TSC22D1: variants seen among roughly 807,000 people sequenced by gnomAD.
TSC22D1 encodes TSC22 domain family protein 1.
In TSC22D1, 9 loss-of-function variants were observed where a neutral mutation model predicts 74.2. The observed-to-expected ratio is 0.12, with a 90% CI of 0.07 to 0.21. The LOEUF (loss-of-function observed/expected upper bound fraction) is 0.21, where lower values mean the gene tolerates loss of function less well. Ranked by LOEUF, TSC22D1 falls within the 10% of genes least tolerant of loss-of-function variation. The pLI, the probability that TSC22D1 is intolerant of heterozygous loss-of-function variation, is 1.00. For synonymous variants in TSC22D1, 586 were observed against 492.5 expected, an observed-to-expected ratio of 1.19 and a Z score of -2.51; for missense variants, 1,427 against 1,304.7, an observed-to-expected ratio of 1.09 and a Z score of -1.44.
At chr13:44,477,516 T>C (rs1877974081) in intron 1 of TSC22D1, among the ~76,000 whole-genome samples, 2 of 152,156 alleles carry the variant, frequency 1.3e-5, no homozygotes, top group African/African-American at 2.4e-5. Flanking sequence ...TGTCCTTCCA[T>C]GGTACACCTT....
chr13:44,538,076 T>C, intron 1 of TSC22D1: 1 of 985,318 alleles, frequency 1.0e-6, no homozygotes, highest in Non-Finnish European at 1.2e-6. Context: ...AATAACTATT[T>C]TGCAACACTT....
chr13:44,469,093 C>T (rs376877255), intron 1 of TSC22D1, among the ~76,000 whole-genome samples: 1 of 152,154 alleles, frequency 6.6e-6, no homozygotes, highest in East Asian at 1.9e-4. Flanking sequence ...ATGCACCCTG[C>T]GCTTTCAGGC....
intron 1 of TSC22D1, among the ~76,000 whole-genome samples, chr13:44,535,997 T>A (rs55737823): frequency 2.0e-5 from 3 of 151,926 alleles, no homozygotes; most frequent in African/African-American, 7.2e-5. Context: ...CAGCCTTTCA[T>A]TGAAATATAC....
chr13:44,515,316 A>G (rs1335693465), intron 1 of TSC22D1, among the ~76,000 whole-genome samples: 2 of 152,052 alleles, frequency 1.3e-5, no homozygotes, highest in African/African-American at 4.8e-5. Flanking sequence ...TTTTTTTTTA[A>G]AAAGAATAAG....
rs924473922 is a variant in TSC22D1, at chr13:44,576,196, T to TCTCCTC, written c.-128_-123dup. 3 of 1,351,274 alleles carry TCTCCTC rather than the reference T, an allele frequency of 2.2e-6. No homozygotes were observed. Among genetic ancestry groups the TCTCCTC allele is most frequent in the Admixed American group, 2.9e-5 (1 of 33,984 alleles). 83.7% of individuals were successfully genotyped at this position (1,351,274 alleles called of 1,614,324 possible). A position where few individuals can be genotyped will look rare whatever the true frequency, so the allele number is the denominator to read the frequency against. The stretch of plus-strand genomic sequence containing the variant: ...CGCTCCGCCTGGCGCGATTCCTCCT[T>TCTCCTC]CTCCTCCTCCTCAGCCAAAGGCGCC... On this transcript the variant is annotated 5_prime_UTR_variant, in exon 1 of 3. Coordinates refer to ENST00000458659, the MANE Select transcript of TSC22D1 (RefSeq NM_183422.4).
intron 1 of TSC22D1, among the ~76,000 whole-genome samples, chr13:44,493,539 T>C (rs1160369960): frequency 6.6e-6 from 1 of 152,172 alleles, no homozygotes; most frequent in African/African-American, 2.4e-5. Context: ...GGAAGAAAGA[T>C]TCTTTGGAGA....
chr13:44,535,184 T>A (rs749833510), intron 1 of TSC22D1, among the ~76,000 whole-genome samples: 4 of 152,130 alleles, frequency 2.6e-5, no homozygotes, highest in Non-Finnish European at 4.4e-5. Flanking sequence ...TACATTATAA[T>A]CCAAACATTA....
intron 1 of TSC22D1, among the ~76,000 whole-genome samples, chr13:44,444,314 G>GAAAAGA (rs553081186): frequency 1.1e-5 from 1 of 89,338 alleles, no homozygotes; most frequent in Non-Finnish European, 2.3e-5. Flanking sequence ...AAAAAGAAAA[G>GAAAAGA]AAAAGAAAAA....
chr13:44,461,989 C>T (rs1804836721), intron 1 of TSC22D1, among the ~76,000 whole-genome samples: 1 of 152,040 alleles, frequency 6.6e-6, no homozygotes, highest in South Asian at 2.1e-4. Flanking sequence ...GAAGTATGAA[C>T]AGAAGGAAGG....
rs1400719797 is a variant in TSC22D1, at chr13:44,433,952, C to T, written c.*674G>A. On this transcript the variant is annotated 3_prime_UTR_variant, in exon 3 of 3. Transcript: ENST00000458659. The stretch of plus-strand genomic sequence containing the variant: ...ATAGTAGTTACAGTCCTCTATTGTA[C>T]AAAATAGTTACACTACATACACAAA... The T allele has an allele frequency of 2.6e-6, 4 of 1,527,664 alleles. No individual in the cohort carries two copies. The highest frequency in any genetic ancestry group is 2.0e-5 in the Admixed American group (1 of 48,796). The allele number at this position is 1,527,664 out of a possible 1,614,324, so 94.6% of individuals were successfully genotyped here. A position where few individuals can be genotyped will look rare whatever the true frequency, so the allele number is the denominator to read the frequency against.
rs1241834428 is a variant in TSC22D1, at chr13:44,432,999, T to A, written c.*1627A>T. The A allele has an allele frequency of 6.6e-6, 1 of 152,210 alleles. No individual in the cohort carries two copies. The highest frequency in any genetic ancestry group is 1.5e-5 in the Non-Finnish European group (1 of 68,036). 9.4% of individuals were successfully genotyped at this position (152,210 alleles called of 1,614,324 possible). Reference sequence around the variant, plus strand: ...ATCTGGTCCCACCTCAAATCATCTTTTGCTTAGACAAAACGAATTATCCCA... The same window carrying A: ...ATCTGGTCCCACCTCAAATCATCTTATGCTTAGACAAAACGAATTATCCCA... On this transcript the variant is annotated 3_prime_UTR_variant, in exon 3 of 3. Coordinates refer to ENST00000458659, the MANE Select transcript of TSC22D1 (RefSeq NM_183422.4).
rs1416277997 is a variant in TSC22D1, at chr13:44,573,795, T to G, written c.2280A>C (p.Pro760=). The G allele has an allele frequency of 1.2e-6, 2 of 1,614,120 alleles. No homozygotes were observed. Among genetic ancestry groups the G allele is most frequent in the East Asian group, 2.2e-5 (1 of 44,900 alleles). ...PPSVIQQGAP[P]SSQVVPPAQT... ...GAGCAGGTGGAACCACTTGCGAAGATGGAGGAGCACCCTGCTGAATAACTG... is the reference window on the plus strand; with the variant it reads ...GAGCAGGTGGAACCACTTGCGAAGAGGGAGGAGCACCCTGCTGAATAACTG... The change falls in exon 1 of 3, where the codon CCA becomes CCC. Residue 760 remains proline (P), a synonymous_variant. Coordinates refer to ENST00000458659, the MANE Select transcript of TSC22D1 (RefSeq NM_183422.4).
In TSC22D1 at chr13:44,575,714, T is replaced by C; in HGVS notation, c.361A>G (p.Ile121Val). The change falls in exon 1 of 3, where the codon ATC (isoleucine) becomes GTC (valine). Residue 121 changes from isoleucine (I) to valine (V), a missense_variant. Coordinates refer to ENST00000458659, the MANE Select transcript of TSC22D1 (RefSeq NM_183422.4). Reference sequence around the variant, plus strand: ...TTGTTAGAGCTGATACTAGCGGAGATCTGAGCAGGAGTAACGCTAGTTATC... The same window carrying C: ...TTGTTAGAGCTGATACTAGCGGAGACCTGAGCAGGAGTAACGCTAGTTATC... ...FQITSVTPAQISASISSNNSI... is the reference protein window; with the variant it reads ...FQITSVTPAQVSASISSNNSI... The C allele has an allele frequency of 6.2e-7, 1 of 1,614,184 alleles. No individual in the cohort carries two copies. The highest frequency in any genetic ancestry group is 8.5e-7 in the Non-Finnish European group (1 of 1,180,006).
chr13:44,480,591 T>C (rs1206221762), intron 1 of TSC22D1, among the ~76,000 whole-genome samples: 2 of 152,130 alleles, frequency 1.3e-5, no homozygotes, highest in Non-Finnish European at 2.9e-5. Flanking sequence ...TACATGTTGG[T>C]ACTAGTAGCT....
intron 1 of TSC22D1, among the ~76,000 whole-genome samples, chr13:44,501,407 G>T (rs1293336876): frequency 1.3e-5 from 2 of 152,270 alleles, no homozygotes; most frequent in East Asian, 3.9e-4. Context: ...GGAGTGCAAG[G>T]TGGGGAACAA....
At position 44,455,656 on chromosome 13, in the gene TSC22D1, G is replaced by A. The variant is rs568188691; in HGVS notation, c.2913-19561C>T. 2.0e-5 allele frequency among the ~76,000 whole-genome samples: 3 copies of A among 152,272 alleles called. No individual in the cohort carries two copies. The South Asian group carries it at 6.2e-4, about 32-fold the overall frequency. On this transcript the variant is annotated intron_variant, in intron 1 of 2. Transcript: ENST00000458659. ...TCTACAAAATTTAAGCACTAGATAT[G>A]CAATGATAGCTCTTTTTTGAGTCTT...
intron 1 of TSC22D1, among the ~76,000 whole-genome samples, chr13:44,442,762 T>C (rs1371338908): frequency 6.6e-6 from 1 of 150,436 alleles, no homozygotes; most frequent in Admixed American, 6.6e-5. Flanking sequence ...ACTAAAAATA[T>C]AAAATAGCTG....
chr13:44,548,827 T>C (rs1296441974), intron 1 of TSC22D1, among the ~76,000 whole-genome samples: 1 of 152,182 alleles, frequency 6.6e-6, no homozygotes, highest in Non-Finnish European at 1.5e-5. Context: ...ATTTCTAGTT[T>C]ACCTGATACA....
chr13:44,460,633 G>T (rs1156613238), intron 1 of TSC22D1, among the ~76,000 whole-genome samples: 1 of 152,134 alleles, frequency 6.6e-6, no homozygotes, highest in African/African-American at 2.4e-5. Context: ...CTCCTAGACT[G>T]TCCTCTAGGA....
Sources: gnomAD v4.1 joint callset for allele counts (sites outside exome capture counted in the v4.1 genomes callset) on GRCh38, gnomAD v4.1.1 for gene constraint, MANE v1.5 for transcripts, NCBI Gene and HGNC (gene_info 2026-07-23, HGNC 2026-07-21) for gene names.